The following PCDHA7 variants were observed in gnomAD, a reference collection of about 807,000 sequenced individuals.
The protein encoded by PCDHA7 is protocadherin alpha-7.
A neutral mutation model predicts 57.2 loss-of-function variants in PCDHA7; 37 were observed. The ratio of observed to expected loss-of-function variants is 0.65; its 90% CI spans 0.50 to 0.85. The LOEUF is 0.85. Ranked by LOEUF, PCDHA7 falls within the 40% of genes least tolerant of loss-of-function variation. The pLI is 0.00. For synonymous variants in PCDHA7, 553 were observed against 558.8 expected (o/e 0.99, Z 0.15); for missense variants, 1,188 against 1,241.8 (o/e 0.96, Z 0.65).
In PCDHA7 at chr5:140,836,030, G is replaced by C; in HGVS notation, c.1647G>C (p.Val549=). 1 of 1,613,484 alleles carries C rather than the reference G, an allele frequency of 6.2e-7. No individual in the cohort carries two copies. Among genetic ancestry groups the C allele is most frequent in the Non-Finnish European group, 8.5e-7 (1 of 1,179,734 alleles). The change falls in exon 1 of 4, where the codon GTG becomes GTC. Residue 549 remains valine (V), a synonymous_variant. Coordinates refer to ENST00000525929, the MANE Select transcript of PCDHA7 (RefSeq NM_018910.3). ...GCGTGCCGCCTCTGGGCAGCAACGTGACGCTGCAGGTGTTCGTGCTGGACG... is the reference window on the plus strand; with the variant it reads ...GCGTGCCGCCTCTGGGCAGCAACGTCACGCTGCAGGTGTTCGTGCTGGACG... ...DAGVPPLGSN[V]TLQVFVLDEN... is the part of the protein sequence containing the mutation.
Position 140,836,147 on chromosome 5 carries a change from C to T in PCDHA7, c.1764C>T (p.Gly588=). The T allele has an allele frequency of 6.2e-7, 1 of 1,613,754 alleles. No homozygotes were observed. The highest frequency in any genetic ancestry group is 1.3e-5 in the African/African-American group (1 of 74,972). ...RELVPRSVGA[G]HVVAKVRAVD... ...TTGTGCCGCGGTCTGTGGGCGCGGG[C>T]CATGTGGTGGCGAAGGTACGTGCAG... is the stretch of plus-strand genomic sequence containing the variant. Residue 588 remains glycine, a synonymous_variant, in exon 1 of 4, where the codon GGC becomes GGT. Transcript: ENST00000525929.
At chr5:140,951,545 G>T (rs1019007635) in intron 1 of PCDHA7, among the ~76,000 whole-genome samples, 2 of 151,950 alleles carry the variant, frequency 1.3e-5, no homozygotes, top group African/African-American at 4.8e-5. Flanking sequence ...GCAAGGGACG[G>T]GGGGAAGTGC....
Position 141,009,983 on chromosome 5 carries a change from G to A in PCDHA7, c.*46G>A, listed in dbSNP as rs1554262629. The A allele has an allele frequency of 1.9e-6, 3 of 1,581,862 alleles. No homozygotes were observed. Among genetic ancestry groups the A allele is most frequent in the Non-Finnish European group, 2.6e-6 (3 of 1,167,526 alleles). On this transcript the variant is annotated 3_prime_UTR_variant, in exon 4 of 4. Coordinates refer to ENST00000525929, the MANE Select transcript of PCDHA7 (RefSeq NM_018910.3). ...CCACTTAGCCAGTTTTTGTAATAAT[G>A]GCAAATCTCTCCCATGTAGCAATTC...
intron 1 of PCDHA7, among the ~76,000 whole-genome samples, chr5:140,900,492 G>A (rs2068087412): frequency 6.6e-6 from 1 of 152,174 alleles, no homozygotes; most frequent in African/African-American, 2.4e-5. Flanking sequence ...GGTCAGACTG[G>A]TCTCAAATTC....
chr5:140,972,947 C>T (rs1287629621), intron 1 of PCDHA7, among the ~76,000 whole-genome samples: 1 of 152,096 alleles, frequency 6.6e-6, no homozygotes, highest in African/African-American at 2.4e-5. Context: ...CAGATGTGAG[C>T]CACCATGCCC....
At chr5:140,996,695 A>G (rs1207094122) in intron 3 of PCDHA7, among the ~76,000 whole-genome samples, 1 of 152,088 alleles carries the variant, frequency 6.6e-6, no homozygotes, top group East Asian at 1.9e-4. Context: ...ATTCTTCTGA[A>G]CCTCTATCTC....
chr5:140,854,575 AT>A (rs1416298079), intron 1 of PCDHA7: 1 of 149,968 alleles, frequency 6.7e-6, no homozygotes, highest in Non-Finnish European at 1.5e-5. Context: ...TGTCATTCAG[AT>A]TTTAATAAAA....
At chr5:140,956,141 C>A (rs1181002106) in intron 1 of PCDHA7, among the ~76,000 whole-genome samples, 2 of 152,122 alleles carry the variant, frequency 1.3e-5, no homozygotes, top group Non-Finnish European at 2.9e-5. Context: ...CCCTTTATTT[C>A]TTTCTCTTTC....
In PCDHA7 at chr5:140,883,376, G is replaced by T. The variant is rs1276182742; in HGVS notation, c.2355+46638G>T. On this transcript the variant is annotated intron_variant, in intron 1 of 3. Transcript: ENST00000525929. The stretch of plus-strand genomic sequence containing the variant: ...AGACACTCAGCCTAGCGCCATTATT[G>T]CCCTAATCAGTGTGTCCGATCGTGA... 25 of 1,613,998 alleles carry T rather than the reference G, an allele frequency of 1.5e-5. No homozygotes were observed. The highest frequency in any genetic ancestry group is 2.0e-5 in the Non-Finnish European group (24 of 1,180,022).
intron 1 of PCDHA7, among the ~76,000 whole-genome samples, chr5:140,977,651 G>T (rs1554238723): frequency 6.6e-6 from 1 of 152,136 alleles, no homozygotes; most frequent in East Asian, 1.9e-4. Flanking sequence ...CCTTGACTTT[G>T]GCTAATTCTC....
At chr5:140,903,614 T>C (rs1583498055) in intron 1 of PCDHA7, among the ~76,000 whole-genome samples, 1 of 152,204 alleles carries the variant, frequency 6.6e-6, no homozygotes, top group Non-Finnish European at 1.5e-5. Flanking sequence ...TACACATGAA[T>C]GTGCATGCAT....
chr5:141,001,370 T>G (rs1187805238), intron 3 of PCDHA7, among the ~76,000 whole-genome samples: 1 of 152,218 alleles, frequency 6.6e-6, no homozygotes, highest in African/African-American at 2.4e-5. Context: ...ACTATTCTGA[T>G]TACAGAGCCT....
chr5:140,897,975 C>T (rs2066435180), intron 1 of PCDHA7, among the ~76,000 whole-genome samples: 1 of 152,228 alleles, frequency 6.6e-6, no homozygotes. Context: ...CTTTTGGCTG[C>T]ATAAATGTCT....
intron 1 of PCDHA7, among the ~76,000 whole-genome samples, chr5:140,845,887 A>G (rs1214611865): frequency 6.7e-6 from 1 of 149,822 alleles, no homozygotes; most frequent in Non-Finnish European, 1.5e-5. Context: ...AATGTCAGAA[A>G]GTCGTTATGG....
In PCDHA7 at chr5:140,879,783, G is replaced by C. The variant is rs182330190; in HGVS notation, c.2355+43045G>C. Among the ~76,000 whole-genome samples, 12 of 152,280 alleles carry C rather than the reference G, an allele frequency of 7.9e-5. No homozygotes were observed. In the East Asian group the frequency reaches 2.3e-3, roughly 29 times the overall value. ...TTTGGAGGCCCCAGGGAAGAATCTGGTTTTTGTTTCTTCCAGTTTCTATTG... is the reference window on the plus strand; with the variant it reads ...TTTGGAGGCCCCAGGGAAGAATCTGCTTTTTGTTTCTTCCAGTTTCTATTG... On this transcript the variant is annotated intron_variant, in intron 1 of 3. Coordinates refer to ENST00000525929, the MANE Select transcript of PCDHA7 (RefSeq NM_018910.3).
chr5:140,995,386 A>G (rs1156268381), intron 3 of PCDHA7, among the ~76,000 whole-genome samples: 1 of 152,202 alleles, frequency 6.6e-6, no homozygotes, highest in Non-Finnish European at 1.5e-5. Context: ...TGGGCAGGAT[A>G]AAGCGGGATG....
At position 140,870,851 on chromosome 5, in the gene PCDHA7, C is replaced by G. The variant is rs1562652583; in HGVS notation, c.2355+34113C>G. ...GCAGTTAACAAGCTAGTACCGCGGT[C>G]GGTGGGTGCGGGCCACGTGGTGGCG... is the stretch of plus-strand genomic sequence containing the variant. On this transcript the variant is annotated intron_variant, in intron 1 of 3. Transcript: ENST00000525929. The G allele has an allele frequency of 1.9e-6, 3 of 1,613,838 alleles. No homozygotes were observed. Among genetic ancestry groups the G allele is most frequent in the Non-Finnish European group, 2.5e-6 (3 of 1,179,894 alleles).
chr5:140,853,428 C>A, intron 1 of PCDHA7: 1 of 985,626 alleles, frequency 1.0e-6, no homozygotes, highest in African/African-American at 1.8e-5. Flanking sequence ...AGAAGAGACA[C>A]TTTCCTATTT....
intron 3 of PCDHA7, among the ~76,000 whole-genome samples, chr5:141,005,117 C>A (rs2098198148): frequency 6.6e-6 from 1 of 152,214 alleles, no homozygotes; most frequent in South Asian, 2.1e-4. Flanking sequence ...TCTTTAGGGA[C>A]CCCAAAAGTG....
Sources: allele counts gnomAD v4.1 joint callset (sites outside exome capture counted in the v4.1 genomes callset), GRCh38; gene constraint gnomAD v4.1.1; transcripts MANE v1.5; gene names NCBI Gene and HGNC (gene_info 2026-07-23, HGNC 2026-07-21).